TOX2: variants seen among roughly 807,000 people sequenced by gnomAD.
TOX2 encodes the protein TOX high mobility group box family member 2.
Under a neutral mutation model 47.4 loss-of-function variants are expected in TOX2, and 15 were observed. The ratio of observed to expected loss-of-function variants is 0.32; its 90% CI spans 0.21 to 0.49. The LOEUF is 0.49. TOX2 is among the 20% of genes least tolerant of loss of function. The pLI is 0.99. For synonymous variants in TOX2, 290 were observed against 296.6 expected, an observed-to-expected ratio of 0.98 and a Z score of 0.23; for missense variants, 622 against 673.1, an observed-to-expected ratio of 0.92 and a Z score of 0.84.
chr20:43,994,616 G>A (rs2070437390), intron 2 of TOX2, among the ~76,000 whole-genome samples: 1 of 152,218 alleles, frequency 6.6e-6, no homozygotes, highest in African/African-American at 2.4e-5. Flanking sequence ...GTTCTGCTGG[G>A]ACTGCTGCTT....
At chr20:43,935,396 A>T (rs571437291) in intron 1 of TOX2, among the ~76,000 whole-genome samples, 2 of 152,182 alleles carry the variant, frequency 1.3e-5, no homozygotes, top group African/African-American at 4.8e-5. Flanking sequence ...CTAAGCTGCT[A>T]TGTGGGGATA....
At chr20:43,976,989 T>A (rs1430537980) in intron 2 of TOX2, among the ~76,000 whole-genome samples, 1 of 152,224 alleles carries the variant, frequency 6.6e-6, no homozygotes, top group African/African-American at 2.4e-5. Context: ...TAAATACAGT[T>A]AAATACAAGG....
intron 1 of TOX2, among the ~76,000 whole-genome samples, chr20:43,965,306 A>G (rs1052398814): frequency 1.3e-5 from 2 of 152,118 alleles, no homozygotes; most frequent in African/African-American, 2.4e-5. Flanking sequence ...TTGGGGATTC[A>G]TTGTTTGCAG....
At chr20:43,960,459 C>T (rs2069738575) in intron 1 of TOX2, among the ~76,000 whole-genome samples, 2 of 152,214 alleles carry the variant, frequency 1.3e-5, no homozygotes, top group Admixed American at 1.3e-4. Context: ...AACTGGGACA[C>T]CTCTGCTGGG....
chr20:43,978,220 A>C lies in TOX2; in HGVS notation c.165+4788A>C, dbSNP rs542912305. Among the ~76,000 whole-genome samples, 3 of 152,246 alleles carry C rather than the reference A, an allele frequency of 2.0e-5. No homozygotes were observed. The East Asian group carries it at 5.8e-4, about 29-fold the overall frequency. On this transcript the variant is annotated intron_variant, in intron 2 of 8. Coordinates refer to ENST00000341197, the MANE Select transcript of TOX2 (RefSeq NM_001098797.2). The stretch of plus-strand genomic sequence containing the variant: ...TGAACCCAGGAGAGGATAGAAGGGG[A>C]GGTCTAGAAACCGATATCCTTATCT...
At chr20:44,004,584 C>CA (rs909528214) in intron 2 of TOX2, among the ~76,000 whole-genome samples, 1 of 152,180 alleles carries the variant, frequency 6.6e-6, no homozygotes, top group African/African-American at 2.4e-5. Context: ...CTTACCCTCT[C>CA]AGTCTGTTCT....
chr20:43,948,649 G>A (rs1056709402), intron 1 of TOX2, among the ~76,000 whole-genome samples: 30 of 152,242 alleles, frequency 2.0e-4, no homozygotes, highest in Admixed American at 1.6e-3. Context: ...CCTCTGTGTC[G>A]CCCACTGGGA....
chr20:43,978,681 G>C (rs982592579), intron 2 of TOX2, among the ~76,000 whole-genome samples: 12 of 152,064 alleles, frequency 7.9e-5, no homozygotes, highest in Non-Finnish European at 1.5e-4. Flanking sequence ...TCCTGGCTGT[G>C]TGTAGAGTTT....
chr20:44,055,796 T>C (rs1302452223), intron 5 of TOX2, among the ~76,000 whole-genome samples: 1 of 152,180 alleles, frequency 6.6e-6, no homozygotes, highest in Non-Finnish European at 1.5e-5. Flanking sequence ...GCTTCCATTC[T>C]GAGTAAATGG....
intron 3 of TOX2, among the ~76,000 whole-genome samples, chr20:44,034,400 G>A (rs1334513864): frequency 6.6e-6 from 1 of 152,194 alleles, no homozygotes; most frequent in African/African-American, 2.4e-5. Context: ...CCTGCGATGG[G>A]GTGTTTCTGG....
intron 3 of TOX2, 122 bp downstream of exon 3, chr20:44,006,914 C>T (rs956540554): frequency 2.1e-6 from 3 of 1,402,628 alleles, no homozygotes; most frequent in Admixed American, 2.7e-5. Flanking sequence ...TCTGGGTTTA[C>T]CTGGTTGCTT....
At chr20:44,068,526 A>C in intron 8 of TOX2, 124 bp from the exon 9 acceptor site, 1 of 1,098,264 alleles carries the variant, frequency 9.1e-7, no homozygotes. Context: ...CAAGTCCCTC[A>C]TTCAGCCACA....
chr20:43,951,984 C>T (rs764907459), intron 1 of TOX2, among the ~76,000 whole-genome samples: 11 of 151,898 alleles, frequency 7.2e-5, no homozygotes, highest in Non-Finnish European at 1.3e-4. Context: ...GCAACCTCCA[C>T]CTCCTGGGTT....
chr20:44,009,205 G>A (rs1350461825), intron 3 of TOX2, among the ~76,000 whole-genome samples: 1 of 152,148 alleles, frequency 6.6e-6, no homozygotes, highest in Non-Finnish European at 1.5e-5. Context: ...GATCTCAACT[G>A]TATTTTGTTT....
Position 44,069,599 on chromosome 20 carries a change from C to G in TOX2, c.*913C>G, listed in dbSNP as rs2071902423. The stretch of plus-strand genomic sequence containing the variant: ...TCTCTCAAATCTCTTTATAATAAAA[C>G]TTCTGAAAAGCTGAAAACAAGTCTG... On this transcript the variant is annotated 3_prime_UTR_variant, in exon 9 of 9. Transcript: ENST00000341197. 6.6e-6 allele frequency: 1 copy of G among 152,670 alleles called. No homozygotes were observed. Among genetic ancestry groups the G allele is most frequent in the South Asian group, 2.1e-4 (1 of 4,842 alleles). 9.5% of individuals were successfully genotyped at this position (152,670 alleles called of 1,614,324 possible). A position where few individuals can be genotyped will look rare whatever the true frequency, so the allele number is the denominator to read the frequency against.
At chr20:43,947,529 CTCT>C (rs2069494208) in intron 1 of TOX2, among the ~76,000 whole-genome samples, 1 of 152,316 alleles carries the variant, frequency 6.6e-6, no homozygotes, top group South Asian at 2.1e-4. Flanking sequence ...CCAGGGAGCT[CTCT>C]TCTTGTGCTT....
chr20:43,978,790 T>G (rs1344522807), intron 2 of TOX2, among the ~76,000 whole-genome samples: 1 of 152,000 alleles, frequency 6.6e-6, no homozygotes, highest in African/African-American at 2.4e-5. Context: ...TGTGTGTGTG[T>G]GTGTGTGTAT....
intron 5 of TOX2, 75 bp from the exon 6 acceptor site, chr20:44,064,702 T>C: frequency 7.0e-7 from 1 of 1,425,956 alleles, no homozygotes; most frequent in Non-Finnish European, 9.8e-7. Flanking sequence ...ATCCATGCCT[T>C]CCCACCCCAG....
intron 1 of TOX2, among the ~76,000 whole-genome samples, chr20:43,922,996 A>G (rs2069126898): frequency 7.0e-6 from 1 of 143,210 alleles, no homozygotes; most frequent in Non-Finnish European, 1.5e-5. Flanking sequence ...AGCAGTGCCA[A>G]TGCCGGGAGT....
Sources: gnomAD v4.1 joint callset for allele counts (sites outside exome capture counted in the v4.1 genomes callset) on GRCh38, gnomAD v4.1.1 for gene constraint, MANE v1.5 for transcripts, NCBI Gene and HGNC (gene_info 2026-07-23, HGNC 2026-07-21) for gene names.